PDCD10: variants seen among roughly 807,000 people sequenced by gnomAD.
The protein encoded by PDCD10 is programmed cell death 10, also known as programmed cell death protein 10.
In PDCD10, 4 loss-of-function variants were observed where a neutral mutation model predicts 29.2. The ratio of observed to expected loss-of-function variants is 0.14; its 90% CI spans 0.07 to 0.31. The LOEUF is 0.31. Ranked by LOEUF, PDCD10 falls within the 10% of genes least tolerant of loss-of-function variation. The probability of loss-of-function intolerance (pLI) is 1.00; values close to 1 mark genes in which losing one functional copy is unlikely to be tolerated. For missense variants in PDCD10, 183 were observed against 257.9 expected, an observed-to-expected ratio of 0.71 and a Z score of 1.99; for synonymous variants, 70 against 82.2, an observed-to-expected ratio of 0.85 and a Z score of 0.80.
intron 3 of PDCD10, among the ~76,000 whole-genome samples, chr3:167,707,829 A>G (rs1366964867): frequency 2.6e-5 from 4 of 152,218 alleles, no homozygotes; most frequent in Admixed American, 1.3e-4. Context: ...TGCGACAGTG[A>G]GAAGCACTGC....
chr3:167,711,703 A>G (rs1722538887), intron 3 of PDCD10, among the ~76,000 whole-genome samples: 1 of 152,118 alleles, frequency 6.6e-6, no homozygotes. Context: ...TCCAAAGAAG[A>G]CTGTGTCGAG....
At chr3:167,691,863 C>T (rs898751994) in intron 6 of PDCD10, among the ~76,000 whole-genome samples, 9 of 152,114 alleles carry the variant, frequency 5.9e-5, no homozygotes, top group African/African-American at 1.7e-4. Flanking sequence ...AGTTCTGTGG[C>T]CTTACCTAAT....
At chr3:167,697,880 T>A in intron 4 of PDCD10, 1 of 455,358 alleles carries the variant, frequency 2.2e-6, no homozygotes, top group East Asian at 7.0e-5. Flanking sequence ...CAGATTTCAG[T>A]TTTTCCCAGT....
intron 2 of PDCD10, among the ~76,000 whole-genome samples, chr3:167,725,206 G>C (rs182058658): frequency 4.8e-5 from 7 of 144,650 alleles, no homozygotes; most frequent in African/African-American, 1.8e-4. Context: ...GCAGTGAGTC[G>C]AGATCGTGCC....
At chr3:167,734,070 T>G (rs1725109292) in intron 2 of PDCD10, 144 bp downstream of exon 2, 1 of 152,186 alleles carries the variant, frequency 6.6e-6, no homozygotes, top group Non-Finnish European at 1.5e-5. Flanking sequence ...ACGTCCCTAC[T>G]CTAAAGCTGG....
chr3:167,724,422 T>C (rs1723883423), intron 2 of PDCD10, among the ~76,000 whole-genome samples: 1 of 152,238 alleles, frequency 6.6e-6, no homozygotes, highest in Non-Finnish European at 1.5e-5. Flanking sequence ...TGATGTATGC[T>C]GGATCTCCAA....
chr3:167,696,629 T>G (rs550766585), intron 5 of PDCD10, among the ~76,000 whole-genome samples: 2 of 152,242 alleles, frequency 1.3e-5, no homozygotes, highest in Non-Finnish European at 2.9e-5. Flanking sequence ...GATGCTGTAC[T>G]AAAGTTAAAA....
chr3:167,684,727 C>T (rs999965704), intron 8 of PDCD10, among the ~76,000 whole-genome samples: 3 of 152,074 alleles, frequency 2.0e-5, no homozygotes, highest in Admixed American at 2.0e-4. Context: ...TAGAAGTTAA[C>T]AAGTAAAATC....
rs572868736 is a variant in PDCD10, at chr3:167,704,685, T to C, written c.150+157A>G. The C allele has an allele frequency of 5.1e-6, 3 of 584,052 alleles. No individual in the cohort carries two copies. The Admixed American group carries it at 8.5e-5, about 17-fold the overall frequency. 36.2% of individuals were successfully genotyped at this position (584,052 alleles called of 1,614,324 possible). Reference sequence around the variant, plus strand: ...AAATAACATTTGTTCTAGTTTATCTTTTGGAAGTGTTTTAAGCTTTATGGA... The same window carrying C: ...AAATAACATTTGTTCTAGTTTATCTCTTGGAAGTGTTTTAAGCTTTATGGA... On this transcript the variant is annotated intron_variant, in intron 4 of 8. Coordinates refer to ENST00000392750, the MANE Select transcript of PDCD10 (RefSeq NM_007217.4).
intron 3 of PDCD10, among the ~76,000 whole-genome samples, chr3:167,712,313 G>A (rs1722601011): frequency 6.6e-6 from 1 of 151,930 alleles, no homozygotes; most frequent in Non-Finnish European, 1.5e-5. Flanking sequence ...TATTTCAAAA[G>A]CTAAAAAATG....
intron 2 of PDCD10, among the ~76,000 whole-genome samples, chr3:167,722,990 T>C (rs1348736888): frequency 6.6e-6 from 1 of 152,228 alleles, no homozygotes; most frequent in African/African-American, 2.4e-5. Context: ...GCTACATAAG[T>C]GGCTGGCCTA....
chr3:167,729,010 C>G (rs955317757), intron 2 of PDCD10, among the ~76,000 whole-genome samples: 1 of 152,178 alleles, frequency 6.6e-6, no homozygotes, highest in Non-Finnish European at 1.5e-5. Context: ...AAAATAACTA[C>G]TGCAGTATGT....
Position 167,720,250 on chromosome 3 carries a change from ATTGG to A in PDCD10, c.-97_-94del. On this transcript the variant is annotated 5_prime_UTR_variant, in exon 3 of 9. Transcript: ENST00000392750. ...TCTTCTCTTTTTTGGTGATAAAAGA[ATTGG>A]ACACAAAAAACACACTGATCTGGTG... 1.2e-6 allele frequency: 1 copy of A among 836,392 alleles called. No individual in the cohort carries two copies. Among genetic ancestry groups the A allele is most frequent in the South Asian group, 1.4e-5 (1 of 71,896 alleles). The allele number at this position is 836,392 out of a possible 1,614,324, so 51.8% of individuals were successfully genotyped here. A position where few individuals can be genotyped will look rare whatever the true frequency, so the allele number is the denominator to read the frequency against.
chr3:167,712,561 A>C (rs1383775179), intron 3 of PDCD10, among the ~76,000 whole-genome samples: 1 of 152,104 alleles, frequency 6.6e-6, no homozygotes, highest in East Asian at 1.9e-4. Flanking sequence ...AAGGAAGAGA[A>C]GACCACAAAA....
At chr3:167,721,945 T>C (rs1371803819) in intron 2 of PDCD10, among the ~76,000 whole-genome samples, 1 of 151,896 alleles carries the variant, frequency 6.6e-6, no homozygotes, top group Non-Finnish European at 1.5e-5. Flanking sequence ...AAGACCAAAA[T>C]AATAAGCAAA....
intron 3 of PDCD10, among the ~76,000 whole-genome samples, chr3:167,709,860 C>T (rs1356386365): frequency 6.6e-6 from 1 of 152,130 alleles, no homozygotes; most frequent in East Asian, 1.9e-4. Flanking sequence ...CAAGTAAAGG[C>T]AACAGGAGTG....
At chr3:167,734,487 GA>G (rs1197377032) in intron 1 of PDCD10, 137 bp from the exon 2 acceptor site, 2 of 151,480 alleles carry the variant, frequency 1.3e-5, no homozygotes, top group Non-Finnish European at 2.9e-5. Context: ...ACCTTCAAAG[GA>G]CCCCACCCCA....
chr3:167,703,679 G>A (rs1478168054), intron 4 of PDCD10, among the ~76,000 whole-genome samples: 1 of 152,118 alleles, frequency 6.6e-6, no homozygotes, highest in African/African-American at 2.4e-5. Flanking sequence ...TATTTGGGAT[G>A]GAGGACCAGA....
intron 4 of PDCD10, 91 bp from the exon 5 acceptor site, chr3:167,697,217 T>C: frequency 1.3e-6 from 1 of 747,764 alleles, no homozygotes; most frequent in South Asian, 1.4e-5. Context: ...GTTGGGAGCG[T>C]CTTACACTGA....
Sources: gnomAD v4.1 joint callset for allele counts (sites outside exome capture counted in the v4.1 genomes callset) on GRCh38, gnomAD v4.1.1 for gene constraint, MANE v1.5 for transcripts, NCBI Gene and HGNC (gene_info 2026-07-23, HGNC 2026-07-21) for gene names.